Variants in FLT1 observed in about 807,000 individuals in gnomAD.
FLT1 encodes fms related receptor tyrosine kinase 1.
A neutral mutation model predicts 156.3 loss-of-function variants in FLT1; 49 were observed. The observed-to-expected ratio is 0.31, with a 90% confidence interval of 0.25 to 0.40. The LOEUF (loss-of-function observed/expected upper bound fraction) is 0.40, where lower values mean the gene tolerates loss of function less well. Among genes scored for constraint, FLT1 ranks in the 10% least tolerant of loss-of-function variants. The pLI is 1.00. For synonymous variants in FLT1, 594 were observed against 583.8 expected (o/e 1.02, Z -0.25); for missense variants, 1,322 against 1,637.2 (o/e 0.81, Z 3.32).
chr13:28,345,338 GA>G, intron 16 of FLT1, 106 bp downstream of exon 16: 1 of 719,114 alleles, frequency 1.4e-6, no homozygotes, highest in Non-Finnish European at 2.5e-6. Context: ...GAATGAGAGG[GA>G]AGGGAAAGAA....
rs57608920 is a variant in FLT1 at position 28,372,566 on chromosome 13, G to GTATATATATATATATA, written c.2116+12303_2116+12318dup. On this transcript the variant is annotated intron_variant, in intron 14 of 29. Transcript: ENST00000282397. The stretch of plus-strand genomic sequence containing the variant: ...CATATATTCCTCGTTTAAATAAAAT[G>GTATATATATATATATA]TATATATATATATATATATATATAT... Among the ~76,000 whole-genome samples the GTATATATATATATATA allele has an allele frequency of 6.0e-3, 545 of 91,308 alleles. 24 individuals are homozygous for GTATATATATATATATA. Among genetic ancestry groups the GTATATATATATATATA allele is most frequent in the Middle Eastern group, 0.012 (2 of 170 alleles). 59.9% of individuals were successfully genotyped at this position (91,308 alleles called of 152,430 possible).
chr13:28,449,986 G>A (rs540637432), intron 3 of FLT1, among the ~76,000 whole-genome samples: 2 of 105,890 alleles, frequency 1.9e-5, no homozygotes, highest in African/African-American at 7.7e-5. Context: ...GGTGTCTAGC[G>A]GCAGGGGATC....
At chr13:28,320,536 T>C (rs374085697) in intron 23 of FLT1, among the ~76,000 whole-genome samples, 1,515 of 150,908 alleles carry the variant, frequency 0.01, 23 homozygotes, top group African/African-American at 0.035. Flanking sequence ...TGATGAGATT[T>C]GTTTGCATTT....
At chr13:28,383,675 A>C (rs1276500540) in intron 14 of FLT1, among the ~76,000 whole-genome samples, 1 of 151,852 alleles carries the variant, frequency 6.6e-6, no homozygotes, top group Non-Finnish European at 1.5e-5. Flanking sequence ...TTAAAAAAAA[A>C]AAAATTAGCT....
intron 14 of FLT1, among the ~76,000 whole-genome samples, chr13:28,374,141 C>T (rs945845896): frequency 2.0e-5 from 3 of 151,996 alleles, no homozygotes. Context: ...TACTTAGTGC[C>T]ACTTAATTGT....
chr13:28,407,277 A>G (rs1367895060), intron 10 of FLT1, among the ~76,000 whole-genome samples: 2 of 152,164 alleles, frequency 1.3e-5, no homozygotes, highest in African/African-American at 2.4e-5. Flanking sequence ...AAACACACCG[A>G]TAAGTAGAGA....
rs1037650962 is a variant in FLT1, at chr13:28,332,213, G to T, written c.2593+1812C>A. Among the ~76,000 whole-genome samples, 6 of 152,182 alleles carry T rather than the reference G, an allele frequency of 3.9e-5. No homozygotes were observed. The South Asian group carries it at 1.2e-3, about 32-fold the overall frequency. On this transcript the variant is annotated intron_variant, in intron 18 of 29. Transcript: ENST00000282397. ...ACTGCACTCCAGCCTGGGCGACAGAGTAAAACCCTGTCTCTTAGAAGAAAA... is the reference window on the plus strand; with the variant it reads ...ACTGCACTCCAGCCTGGGCGACAGATTAAAACCCTGTCTCTTAGAAGAAAA...
intron 1 of FLT1, among the ~76,000 whole-genome samples, chr13:28,490,136 G>A (rs959993198): frequency 5.9e-5 from 9 of 152,162 alleles, no homozygotes; most frequent in Non-Finnish European, 1.2e-4. Flanking sequence ...AAACAGCACT[G>A]GCCTCCTCTG....
Position 28,412,338 on chromosome 13 carries a change from C to CTTTCTTTCTTTCT in FLT1, c.1437-6457_1437-6445dup, listed in dbSNP as rs1469691863. On this transcript the variant is annotated intron_variant, in intron 10 of 29. Transcript: ENST00000282397. ...CTTTCTTTCTTTCTTTCTTTTCTTT[C>CTTTCTTTCTTTCT]TTTCTTTCTTTCTCTTTCTTTCTTT... Among the ~76,000 whole-genome samples the CTTTCTTTCTTTCT allele has an allele frequency of 1.0e-4, 8 of 77,794 alleles. No individual in the cohort carries two copies. In the East Asian group the frequency reaches 1.3e-3, roughly 13 times the overall value. 51.0% of individuals were successfully genotyped at this position (77,794 alleles called of 152,430 possible).
intron 12 of FLT1, among the ~76,000 whole-genome samples, chr13:28,395,487 AT>A (rs1313995691): frequency 3.3e-4 from 50 of 152,342 alleles, no homozygotes; most frequent in African/African-American, 1.2e-3. Flanking sequence ...ATTTAAATTG[AT>A]TTAAGTGTAA....
At chr13:28,422,917 C>A (rs1211746887) in intron 10 of FLT1, among the ~76,000 whole-genome samples, 1 of 152,168 alleles carries the variant, frequency 6.6e-6, no homozygotes, top group African/African-American at 2.4e-5. Flanking sequence ...AGAAGGTCCC[C>A]TTCCCTCCAG....
chr13:28,453,692 C>G (rs1879108952), intron 3 of FLT1, among the ~76,000 whole-genome samples: 1 of 152,144 alleles, frequency 6.6e-6, no homozygotes, highest in Admixed American at 6.5e-5. Context: ...TGATTTTGAC[C>G]CCCACATTTG....
chr13:28,372,572 AT>A (rs1873659722), intron 14 of FLT1, among the ~76,000 whole-genome samples: 1 of 20,546 alleles, frequency 4.9e-5, no homozygotes, highest in Non-Finnish European at 1.2e-4. Context: ...AAATGTATAT[AT>A]ATATATATAT....
At chr13:28,346,918 T>C (rs1216905867) in intron 15 of FLT1, among the ~76,000 whole-genome samples, 1 of 152,112 alleles carries the variant, frequency 6.6e-6, no homozygotes, top group Non-Finnish European at 1.5e-5. Flanking sequence ...TCTTGGGGGC[T>C]CTCTGTTTCA....
At chr13:28,366,461 C>T (rs1873298538) in intron 14 of FLT1, among the ~76,000 whole-genome samples, 1 of 150,576 alleles carries the variant, frequency 6.6e-6, no homozygotes. Context: ...GGATTAGCTA[C>T]TCTGGAAAGC....
chr13:28,437,428 T>C (rs1878092048), intron 4 of FLT1, among the ~76,000 whole-genome samples: 1 of 152,184 alleles, frequency 6.6e-6, no homozygotes, highest in African/African-American at 2.4e-5. Context: ...GCCTGCTCTG[T>C]GATGCACTGT....
intron 16 of FLT1, among the ~76,000 whole-genome samples, chr13:28,340,704 A>C (rs1462895378): frequency 6.6e-6 from 1 of 151,962 alleles, no homozygotes; most frequent in East Asian, 1.9e-4. Flanking sequence ...GCCCTTACTC[A>C]CTCTGTTCTG....
intron 10 of FLT1, among the ~76,000 whole-genome samples, chr13:28,421,635 T>C: frequency 6.6e-6 from 1 of 152,144 alleles, no homozygotes; most frequent in Non-Finnish European, 1.5e-5. Flanking sequence ...TGACAGCCAT[T>C]CTACTTTCAT....
chr13:28,390,013 G>A lies in FLT1; in HGVS notation c.1752C>T (p.Tyr584=), dbSNP rs754980659. ...GCAGTAAAATCCAAGTAACGTCTCT[G>A]TATAAGAACTTGTTAACTGTGCAAG... The part of the protein sequence containing the change: ...KLSCTVNKFL[Y]RDVTWILLRT... The change falls in exon 13 of 30, where the codon TAC becomes TAT. Residue 584 remains tyrosine (Y), a synonymous_variant. Transcript: ENST00000282397. The A allele has an allele frequency of 1.4e-5, 23 of 1,614,028 alleles. No homozygotes were observed. The highest frequency in any genetic ancestry group is 1.8e-5 in the Non-Finnish European group (21 of 1,180,012).
Sources: allele counts gnomAD v4.1 joint callset (sites outside exome capture counted in the v4.1 genomes callset), GRCh38; gene constraint gnomAD v4.1.1; transcripts MANE v1.5; gene names NCBI Gene and HGNC (gene_info 2026-07-23, HGNC 2026-07-21).